Variants in BAZ2B observed in about 807,000 individuals in gnomAD.
BAZ2B encodes the protein bromodomain adjacent to zinc finger domain 2B.
Under a neutral mutation model 246.0 loss-of-function variants are expected in BAZ2B, and 91 were observed. That is an observed-to-expected ratio of 0.37 (90% CI 0.31 to 0.44). The LOEUF (loss-of-function observed/expected upper bound fraction) is 0.44, where lower values mean the gene tolerates loss of function less well. Ranked by LOEUF, BAZ2B falls within the 20% of genes least tolerant of loss-of-function variation. The pLI is 1.00. For missense variants in BAZ2B, 2,332 were observed against 2,533.7 expected, an observed-to-expected ratio of 0.92 and a Z score of 1.71; for synonymous variants, 855 against 860.0, an observed-to-expected ratio of 0.99 and a Z score of 0.10.
chr2:159,711,073 G>C, the BAZ2B span, among the ~76,000 whole-genome samples: 1 of 152,146 alleles, frequency 6.6e-6, no homozygotes, highest in African/African-American at 2.4e-5. Context: ...CCTAGGTTTA[G>C]CAAGGTTAAG....
intron 5 of BAZ2B, among the ~76,000 whole-genome samples, chr2:159,447,214 T>C (rs972250482): frequency 2.6e-5 from 4 of 152,146 alleles, no homozygotes; most frequent in African/African-American, 9.6e-5. Context: ...GGCAACTGCT[T>C]AATGGGTACA....
chr2:159,386,455 C>T lies in BAZ2B; in HGVS notation c.3369G>A (p.Glu1123=). Residue 1123 remains glutamate, a synonymous_variant, in exon 22 of 37, where the codon GAG becomes GAA. Coordinates refer to ENST00000392783, the MANE Select transcript of BAZ2B (RefSeq NM_013450.4). ...IDVPNLSVLQ[E]GLLNIGDSMG... ...TGCTGTCCCCTATATTTAGCAATCC[C>T]TCTTGAAGAACACTCAGGTTTGGAA... 3.1e-6 allele frequency: 5 copies of T among 1,613,616 alleles called. No homozygotes were observed. The highest frequency in any genetic ancestry group is 4.2e-6 in the Non-Finnish European group (5 of 1,179,760).
At chr2:159,577,514 A>G (rs1258456006) in intron 1 of BAZ2B, among the ~76,000 whole-genome samples, 1 of 152,210 alleles carries the variant, frequency 6.6e-6, no homozygotes. Context: ...TGAAAAACAA[A>G]GAACTAAAAG....
intron 1 of BAZ2B, among the ~76,000 whole-genome samples, chr2:159,580,442 C>T (rs1420014781): frequency 6.6e-6 from 1 of 152,146 alleles, no homozygotes; most frequent in Non-Finnish European, 1.5e-5. Flanking sequence ...AAGAACATTC[C>T]ATGCTCATGG....
At chr2:159,609,390 C>T (rs1694221775) in intron 1 of BAZ2B, among the ~76,000 whole-genome samples, 1 of 152,188 alleles carries the variant, frequency 6.6e-6, no homozygotes. Context: ...CTTTACACCA[C>T]CACTCATAAG....
In BAZ2B at chr2:159,350,054, T is replaced by G. The variant is rs1235911766; in HGVS notation, c.4517A>C (p.His1506Pro). Residue 1506 changes from histidine (H) to proline (P), a missense_variant, in exon 28 of 37, where the codon CAT (histidine) becomes CCT (proline). Transcript: ENST00000392783. ...TGTTGACTGAACGCTGCCCAGTGAA[T>G]GTTTTCCACTGTTCTGATAAGACAA... ...CTLSYQNSGK[H>P]SLGSVQSTAT... The G allele has an allele frequency of 1.2e-6, 2 of 1,614,070 alleles. No homozygotes were observed. Among genetic ancestry groups the G allele is most frequent in the African/African-American group, 2.7e-5 (2 of 74,942 alleles).
Position 159,504,181 on chromosome 2 carries a change from C to T in BAZ2B, c.-2-25460G>A, listed in dbSNP as rs191696739. ...ATTTTTTTAATTTATTATTATTATA[C>T]TTTAAGTTTTAGGGTACATGTGCAC... On this transcript the variant is annotated intron_variant, in intron 2 of 36. Transcript: ENST00000392783. 2.9e-3 allele frequency among the ~76,000 whole-genome samples: 437 copies of T among 151,112 alleles called. 1 individual carries two copies. Among genetic ancestry groups the T allele is most frequent in the Admixed American group, 5.8e-3 (88 of 15,170 alleles).
At chr2:159,704,358 G>A in the BAZ2B span, among the ~76,000 whole-genome samples, 1 of 152,216 alleles carries the variant, frequency 6.6e-6, no homozygotes, top group South Asian at 2.1e-4. Context: ...TCCCAGGCAT[G>A]TTGGTAGTAT....
At position 159,560,980 on chromosome 2, in the gene BAZ2B, G is replaced by C. The variant is rs1353208554; in HGVS notation, c.-45-5115C>G. On this transcript the variant is annotated intron_variant, in intron 1 of 36. Transcript: ENST00000392783. ...AAAATAATAGAAAACTATATACTGG[G>C]AAACTGGTGACAATGTGATCTATCC... Among the ~76,000 whole-genome samples the C allele has an allele frequency of 1.6e-4, 25 of 152,152 alleles. 1 individual carries two copies. Among genetic ancestry groups the C allele is most frequent in the Admixed American group, 1.6e-3 (25 of 15,270 alleles).
chr2:159,532,559 G>A (rs1174403637), intron 2 of BAZ2B, among the ~76,000 whole-genome samples: 1 of 152,210 alleles, frequency 6.6e-6, no homozygotes, highest in Non-Finnish European at 1.5e-5. Context: ...GTGATAGGAA[G>A]TGTGTTACAT....
At chr2:159,474,251 T>C (rs1038807829) in intron 3 of BAZ2B, among the ~76,000 whole-genome samples, 3 of 152,244 alleles carry the variant, frequency 2.0e-5, no homozygotes, top group African/African-American at 7.2e-5. Flanking sequence ...CTGTATTGGA[T>C]GCATATATAT....
intron 19 of BAZ2B, chr2:159,396,511 T>C (rs1478245052): frequency 6.6e-6 from 1 of 152,190 alleles, no homozygotes; most frequent in Non-Finnish European, 1.5e-5. Flanking sequence ...ACAGGTGGAA[T>C]CTTAAAGGCA....
At chr2:159,358,741 A>G (rs2059379882) in intron 27 of BAZ2B, among the ~76,000 whole-genome samples, 1 of 152,238 alleles carries the variant, frequency 6.6e-6, no homozygotes, top group Non-Finnish European at 1.5e-5. Context: ...ATGCAAAAGA[A>G]TGGAAATAAT....
intron 27 of BAZ2B, 82 bp downstream of exon 27, chr2:159,372,963 A>G (rs2061014168): frequency 2.1e-6 from 3 of 1,437,912 alleles, no homozygotes; most frequent in Non-Finnish European, 2.8e-6. Context: ...TTATGGGAAC[A>G]CAAAATATAT....
At chr2:159,327,362 G>A (rs1483993160) in intron 34 of BAZ2B, among the ~76,000 whole-genome samples, 2 of 152,070 alleles carry the variant, frequency 1.3e-5, no homozygotes, top group Non-Finnish European at 2.9e-5. Flanking sequence ...TTCTTTATTG[G>A]CAGGTTAAAG....
chr2:159,452,731 A>G (rs1219640151), intron 4 of BAZ2B, among the ~76,000 whole-genome samples: 1 of 152,210 alleles, frequency 6.6e-6, no homozygotes. Flanking sequence ...CTAAATCCTC[A>G]TTATCTATAG....
intron 26 of BAZ2B, among the ~76,000 whole-genome samples, chr2:159,374,117 C>T (rs1269122939): frequency 6.7e-6 from 1 of 149,000 alleles, no homozygotes; most frequent in East Asian, 2.0e-4. Context: ...GCCATATTGC[C>T]CAGGCTTTTC....
At chr2:159,664,784 G>A in the BAZ2B span, among the ~76,000 whole-genome samples, 1 of 123,820 alleles carries the variant, frequency 8.1e-6, no homozygotes, top group East Asian at 2.3e-4. Flanking sequence ...TTAGCCCTTT[G>A]TCAGATGAGT....
intron 2 of BAZ2B, among the ~76,000 whole-genome samples, chr2:159,489,340 G>A (rs2080191269): frequency 6.6e-6 from 1 of 152,050 alleles, no homozygotes; most frequent in Non-Finnish European, 1.5e-5. Context: ...GAACTCAAAG[G>A]TAGATCAATA....
Sources: gnomAD v4.1 joint callset for allele counts (sites outside exome capture counted in the v4.1 genomes callset) on GRCh38, gnomAD v4.1.1 for gene constraint, MANE v1.5 for transcripts, NCBI Gene and HGNC (gene_info 2026-07-23, HGNC 2026-07-21) for gene names.